QTRT2: variants seen among roughly 807,000 people sequenced by gnomAD.
QTRT2 encodes the protein queuine tRNA-ribosyltransferase accessory subunit 2, also known as queuine tRNA-ribosyltransferase domain containing 1.
QTRT2 carries 32 observed loss-of-function variants against 44.8 expected under a neutral mutation model. The observed-to-expected ratio is 0.71, with a 90% CI of 0.54 to 0.96. The LOEUF is 0.96. Ranked by LOEUF, QTRT2 falls within the 40% of genes least tolerant of loss-of-function variation. The pLI, the probability that QTRT2 is intolerant of heterozygous loss-of-function variation, is 0.00. For missense variants in QTRT2, 461 were observed against 503.1 expected (o/e 0.92, Z 0.80); for synonymous variants, 182 against 187.4 (o/e 0.97, Z 0.24).
intron 5 of QTRT2, among the ~76,000 whole-genome samples, chr3:114,069,107 A>C (rs1212932739): frequency 6.6e-6 from 1 of 152,066 alleles, no homozygotes; most frequent in South Asian, 2.1e-4. Flanking sequence ...TGTAAGGGAG[A>C]GAGGAATCAT....
At chr3:114,074,922 T>A (rs1403950908) in intron 6 of QTRT2, among the ~76,000 whole-genome samples, 36 of 152,232 alleles carry the variant, frequency 2.4e-4, no homozygotes, top group Admixed American at 2.3e-3. Context: ...GAAGCCATAC[T>A]GTGTATATAT....
chr3:114,057,085 T>C lies in QTRT2; in HGVS notation c.-43T>C. 3 of 1,369,452 alleles carry C rather than the reference T, an allele frequency of 2.2e-6. No homozygotes were observed. The highest frequency in any genetic ancestry group is 2.8e-6 in the Non-Finnish European group (3 of 1,064,570). The allele number at this position is 1,369,452 out of a possible 1,614,324, so 84.8% of individuals were successfully genotyped here. A position where few individuals can be genotyped will look rare whatever the true frequency, so the allele number is the denominator to read the frequency against. ...ACACCTCTGAGATAAAAGGGCCCCT[T>C]TCGACTAGCCTCTGCTGAAAGGTAG... is the stretch of plus-strand genomic sequence containing the variant. On this transcript the variant is annotated 5_prime_UTR_variant, in exon 2 of 10. Transcript: ENST00000281273.
intron 5 of QTRT2, among the ~76,000 whole-genome samples, chr3:114,069,785 G>A (rs1577524963): frequency 6.6e-6 from 1 of 152,064 alleles, no homozygotes. Flanking sequence ...TGGGTTGAAT[G>A]GTAGTTTTGC....
intron 5 of QTRT2, among the ~76,000 whole-genome samples, chr3:114,070,050 G>A (rs889292281): frequency 3.2e-4 from 48 of 152,150 alleles, no homozygotes; most frequent in Non-Finnish European, 5.9e-4. Flanking sequence ...GTGAGTGATC[G>A]ATTATGTCCA....
At chr3:114,076,696 G>T (rs376078337) in intron 6 of QTRT2, 47 bp from the exon 7 acceptor site, 7 of 1,565,852 alleles carry the variant, frequency 4.5e-6, no homozygotes, top group South Asian at 3.3e-5. Context: ...TTAAACAAAG[G>T]TCTCATACTG....
intron 2 of QTRT2, among the ~76,000 whole-genome samples, chr3:114,062,926 C>T (rs912737546): frequency 2.0e-5 from 3 of 152,208 alleles, no homozygotes; most frequent in African/African-American, 7.2e-5. Flanking sequence ...TTACACAGCT[C>T]AGATGAGAGA....
chr3:114,072,892 A>G (rs1372170834), intron 6 of QTRT2, among the ~76,000 whole-genome samples: 2 of 152,222 alleles, frequency 1.3e-5, no homozygotes, highest in Non-Finnish European at 2.9e-5. Flanking sequence ...TTCAGAGAAC[A>G]GTAGAGATGA....
intron 9 of QTRT2, among the ~76,000 whole-genome samples, chr3:114,084,110 C>G (rs2077204475): frequency 6.6e-6 from 1 of 150,728 alleles, no homozygotes; most frequent in African/African-American, 2.4e-5. Flanking sequence ...TTGCCCAGGC[C>G]AGAGTGCAGT....
In QTRT2 at chr3:114,076,811, A is replaced by G; in HGVS notation, c.615A>G (p.Ser205=). The change falls in exon 7 of 10, where the codon TCA becomes TCG. Residue 205 remains serine (S), a synonymous_variant. Coordinates refer to ENST00000281273, the MANE Select transcript of QTRT2 (RefSeq NM_024638.4). The part of the protein sequence containing the change: ...GGDVMEERLR[S]ARETAKRPVG... The stretch of plus-strand genomic sequence containing the variant: ...ATGTGATGGAAGAGAGGCTGAGGTC[A>G]GCACGAGAGACAGCCAAGCGGCCTG... 4 of 1,614,224 alleles carry G rather than the reference A, an allele frequency of 2.5e-6. No individual in the cohort carries two copies. The highest frequency in any genetic ancestry group is 1.1e-5 in the South Asian group (1 of 91,088).
At chr3:114,062,689 A>T (rs1345001265) in intron 2 of QTRT2, among the ~76,000 whole-genome samples, 1 of 152,208 alleles carries the variant, frequency 6.6e-6, no homozygotes, top group East Asian at 1.9e-4. Flanking sequence ...AGATTATCTC[A>T]TGCTTGTCAG....
chr3:114,087,923 G>C lies in QTRT2; in HGVS notation c.*2019G>C. 1 of 152,174 alleles carries C rather than the reference G, an allele frequency of 6.6e-6. No individual in the cohort carries two copies. The highest frequency in any genetic ancestry group is 1.9e-4 in the East Asian group (1 of 5,200). The allele number at this position is 152,174 out of a possible 1,614,324, so 9.4% of individuals were successfully genotyped here. A position where few individuals can be genotyped will look rare whatever the true frequency, so the allele number is the denominator to read the frequency against. The stretch of plus-strand genomic sequence containing the variant: ...TATTGGGGATTACATTTCAACTTGA[G>C]GTTTGGGCGGGAACAAATAGTCAAA... On this transcript the variant is annotated 3_prime_UTR_variant, in exon 10 of 10. Transcript: ENST00000281273.
chr3:114,083,783 T>A (rs893669331), intron 9 of QTRT2, among the ~76,000 whole-genome samples: 2 of 152,228 alleles, frequency 1.3e-5, no homozygotes, highest in African/African-American at 2.4e-5. Flanking sequence ...TCTACCGCAT[T>A]TGACTTCTTA....
intron 9 of QTRT2, among the ~76,000 whole-genome samples, chr3:114,083,612 G>T (rs142479872): frequency 6.6e-6 from 1 of 152,210 alleles, no homozygotes; most frequent in East Asian, 1.9e-4. Flanking sequence ...GTGCTGGGGT[G>T]GGTTTTTTGT....
At chr3:114,070,152 A>C (rs978201524) in intron 5 of QTRT2, among the ~76,000 whole-genome samples, 3 of 152,236 alleles carry the variant, frequency 2.0e-5, no homozygotes, top group Admixed American at 6.5e-5. Context: ...TCCAGCACCT[A>C]GAAATAATAA....
rs1167777007 is a variant in QTRT2, at chr3:114,062,871, TA to T, written c.-21-2360del. 4.6e-5 allele frequency among the ~76,000 whole-genome samples: 7 copies of T among 152,206 alleles called. No homozygotes were observed. In the East Asian group the frequency reaches 1.2e-3, roughly 25 times the overall value. On this transcript the variant is annotated intron_variant, in intron 2 of 9. Transcript: ENST00000281273. ...TTCGTGCCTTTATATGAATTTAATT[TA>T]AAAAACACTGTTCATGTGTGTACAT...
chr3:114,081,811 T>C (rs1264704506), intron 8 of QTRT2, among the ~76,000 whole-genome samples: 1 of 152,218 alleles, frequency 6.6e-6, no homozygotes, highest in Non-Finnish European at 1.5e-5. Flanking sequence ...CTGTGCCCAG[T>C]GCTCAGGTTG....
Position 114,082,697 on chromosome 3 carries a change from C to G in QTRT2, c.919C>G (p.Gln307Glu). The change falls in exon 9 of 10, where the codon CAA becomes GAA. Residue 307 changes from glutamine (Q) to glutamate (E), a missense_variant. Transcript: ENST00000281273. ...TTCAGTACTACAACAAAATGGAACA[C>G]AAGAAGAAATAAAATGTATGGATCA... The part of the protein sequence containing the change: ...EETLLQQNGT[Q>E]EEIKCMDQIK... 6.8e-7 allele frequency: 1 copy of G among 1,481,078 alleles called. No homozygotes were observed. Among genetic ancestry groups the G allele is most frequent in the Non-Finnish European group, 9.2e-7 (1 of 1,083,240 alleles). The allele number at this position is 1,481,078 out of a possible 1,614,324, so 91.7% of individuals were successfully genotyped here.
At chr3:114,078,423 T>C in intron 7 of QTRT2, 1 of 151,808 alleles carries the variant, frequency 6.6e-6, no homozygotes, top group South Asian at 2.1e-4. Flanking sequence ...GAGTTCTGCT[T>C]ATTTAATATT....
intron 2 of QTRT2, among the ~76,000 whole-genome samples, chr3:114,064,104 A>G (rs1256391701): frequency 2.6e-5 from 4 of 152,040 alleles, no homozygotes; most frequent in Non-Finnish European, 4.4e-5. Flanking sequence ...AATCTCAACT[A>G]CTTGGGAGGC....
Sources: allele counts gnomAD v4.1 joint callset (sites outside exome capture counted in the v4.1 genomes callset), GRCh38; gene constraint gnomAD v4.1.1; transcripts MANE v1.5; gene names NCBI Gene and HGNC (gene_info 2026-07-23, HGNC 2026-07-21).